Variants in RIMS1 observed in about 807,000 individuals in gnomAD.
RIMS1 encodes regulating synaptic membrane exocytosis protein 1.
Under a neutral mutation model 214.1 loss-of-function variants are expected in RIMS1, and 83 were observed. The ratio of observed to expected loss-of-function variants is 0.39; its 90% CI spans 0.32 to 0.47. The LOEUF is 0.47. Among genes scored for constraint, RIMS1 ranks in the 20% least tolerant of loss-of-function variants. The probability of loss-of-function intolerance (pLI) is 0.99; values close to 1 mark genes in which losing one functional copy is unlikely to be tolerated. For synonymous variants in RIMS1, 793 were observed against 786.8 expected (o/e 1.01, Z -0.13); for missense variants, 2,050 against 2,161.8 (o/e 0.95, Z 1.03).
chr6:71,953,104 A>C (rs575962814), intron 1 of RIMS1, among the ~76,000 whole-genome samples: 36 of 151,294 alleles, frequency 2.4e-4, no homozygotes, highest in Non-Finnish European at 2.4e-4. Flanking sequence ...ATCCTTCCTC[A>C]GCCTCCCAAG....
intron 6 of RIMS1, among the ~76,000 whole-genome samples, chr6:72,199,794 A>G: frequency 6.6e-6 from 1 of 152,156 alleles, no homozygotes. Context: ...CAGTTTTAAC[A>G]ATAGGTAATA....
At chr6:72,266,946 G>T (rs1239322985) in intron 22 of RIMS1, among the ~76,000 whole-genome samples, 1 of 151,974 alleles carries the variant, frequency 6.6e-6, no homozygotes, top group African/African-American at 2.4e-5. Context: ...GCTACTTAAA[G>T]CTTTTCTTTA....
intron 2 of RIMS1, among the ~76,000 whole-genome samples, chr6:72,028,240 A>G (rs902495499): frequency 6.6e-6 from 1 of 152,186 alleles, no homozygotes; most frequent in Non-Finnish European, 1.5e-5. Flanking sequence ...TTTTGTCATA[A>G]TATTTCTAAT....
At chr6:72,264,303 G>C (rs2079410438) in intron 19 of RIMS1, among the ~76,000 whole-genome samples, 1 of 152,144 alleles carries the variant, frequency 6.6e-6, no homozygotes, top group Admixed American at 6.5e-5. Flanking sequence ...GATTTTAAAG[G>C]AATCAGATGC....
intron 4 of RIMS1, among the ~76,000 whole-genome samples, chr6:72,104,788 C>T (rs953647146): frequency 3.9e-5 from 6 of 152,072 alleles, no homozygotes; most frequent in Non-Finnish European, 5.9e-5. Flanking sequence ...CTTTAAATGA[C>T]TGTTTTTTTT....
intron 29 of RIMS1, among the ~76,000 whole-genome samples, chr6:72,360,398 C>T (rs1334343800): frequency 6.6e-6 from 1 of 152,154 alleles, no homozygotes; most frequent in African/African-American, 2.4e-5. Context: ...CATCTGCTTT[C>T]AAACATATAT....
chr6:72,045,774 T>A (rs1822825820), intron 2 of RIMS1, among the ~76,000 whole-genome samples: 1 of 151,798 alleles, frequency 6.6e-6, no homozygotes, highest in South Asian at 2.1e-4. Flanking sequence ...ATTTTCCAGA[T>A]GTTTATTGGC....
chr6:72,261,700 G>A (rs913933420), intron 19 of RIMS1: 2 of 985,028 alleles, frequency 2.0e-6, no homozygotes, highest in African/African-American at 3.5e-5. Context: ...ACAAATGCAT[G>A]ATTTATTATG....
chr6:72,101,211 A>C (rs1390157151), intron 4 of RIMS1, among the ~76,000 whole-genome samples: 7 of 151,930 alleles, frequency 4.6e-5, no homozygotes, highest in African/African-American at 1.7e-4. Context: ...CCATAATGGT[A>C]GGTTATTTGT....
intron 2 of RIMS1, among the ~76,000 whole-genome samples, chr6:72,000,784 A>C (rs2151722766): frequency 6.6e-6 from 1 of 152,258 alleles, no homozygotes; most frequent in South Asian, 2.1e-4. Flanking sequence ...CATTGTTTAT[A>C]GTCCTATCTT....
chr6:72,249,783 AT>A (rs2072244033), intron 12 of RIMS1, among the ~76,000 whole-genome samples: 1 of 152,196 alleles, frequency 6.6e-6, no homozygotes, highest in Non-Finnish European at 1.5e-5. Context: ...AAATAAAAAA[AT>A]AAGTGAGAAA....
At chr6:72,215,766 C>G (rs555654306) in intron 6 of RIMS1, among the ~76,000 whole-genome samples, 1 of 152,054 alleles carries the variant, frequency 6.6e-6, no homozygotes, top group African/African-American at 2.4e-5. Context: ...TGAGTGAGAC[C>G]GTAAATATGT....
intron 29 of RIMS1, among the ~76,000 whole-genome samples, chr6:72,374,579 G>C (rs1172492960): frequency 6.6e-6 from 1 of 152,120 alleles, no homozygotes; most frequent in Non-Finnish European, 1.5e-5. Flanking sequence ...CTTTGAGCTA[G>C]AGTAGATCTC....
intron 6 of RIMS1, among the ~76,000 whole-genome samples, chr6:72,206,327 T>G (rs1430681251): frequency 6.6e-6 from 1 of 152,204 alleles, no homozygotes; most frequent in Non-Finnish European, 1.5e-5. Context: ...AAATCATATG[T>G]CTATGAAAGA....
chr6:71,911,779 T>C (rs781028940), intron 1 of RIMS1, among the ~76,000 whole-genome samples: 2 of 152,162 alleles, frequency 1.3e-5, no homozygotes, highest in Non-Finnish European at 2.9e-5. Flanking sequence ...TTTCAAATTA[T>C]AAGACATTGG....
At chr6:72,154,276 T>C (rs2044150339) in intron 4 of RIMS1, among the ~76,000 whole-genome samples, 1 of 140,156 alleles carries the variant, frequency 7.1e-6, no homozygotes, top group African/African-American at 2.5e-5. Flanking sequence ...AAGGACTATG[T>C]TGCTATGCTT....
chr6:72,082,425 G>T (rs1369748061), intron 2 of RIMS1, among the ~76,000 whole-genome samples: 1 of 152,062 alleles, frequency 6.6e-6, no homozygotes, highest in Non-Finnish European at 1.5e-5. Flanking sequence ...CAGTAGGTAG[G>T]CATTATTATC....
chr6:72,010,224 A>G (rs1485324809), intron 2 of RIMS1, among the ~76,000 whole-genome samples: 5 of 152,264 alleles, frequency 3.3e-5, no homozygotes, highest in African/African-American at 9.6e-5. Flanking sequence ...AGCGAAGAAA[A>G]AAAACACATG....
At chr6:71,972,174 A>C (rs996894357) in intron 2 of RIMS1, among the ~76,000 whole-genome samples, 7 of 152,228 alleles carry the variant, frequency 4.6e-5, no homozygotes, top group African/African-American at 1.7e-4. Context: ...GAGGGATTCA[A>C]GGGGAATGCC....
Sources: allele counts gnomAD v4.1 joint callset (sites outside exome capture counted in the v4.1 genomes callset), GRCh38; gene constraint gnomAD v4.1.1; transcripts MANE v1.5; gene names NCBI Gene and HGNC (gene_info 2026-07-23, HGNC 2026-07-21).